Variants in MVK observed in about 807,000 individuals in gnomAD.
MVK encodes the protein LH receptor mRNA-binding protein.
A neutral mutation model predicts 43.2 loss-of-function variants in MVK; 34 were observed. That is an observed-to-expected ratio of 0.79 (90% confidence interval 0.60 to 1.05). MVK has a LOEUF of 1.05. Ranked by LOEUF, MVK falls within the 50% of genes least tolerant of loss-of-function variation. The pLI, the probability that MVK is intolerant of heterozygous loss-of-function variation, is 0.00. For missense variants in MVK, 395 were observed against 504.0 expected (o/e 0.78, Z 2.07); for synonymous variants, 190 against 219.8 (o/e 0.86, Z 1.20).
chr12:109,591,163 C>G, intron 8 of MVK, 78 bp from the exon 9 acceptor site: 1 of 1,354,544 alleles, frequency 7.4e-7, no homozygotes, highest in Non-Finnish European at 1.1e-6. Context: ...CCTCCTCCCT[C>G]CACCCCACTG....
At chr12:109,585,953 AG>A in intron 5 of MVK, 68 bp from the exon 6 acceptor site, 1 of 1,308,788 alleles carries the variant, frequency 7.6e-7, no homozygotes, top group Non-Finnish European at 1.1e-6. Context: ...TGCCCAGCAC[AG>A]CCCCAGGTGA....
At chr12:109,589,017 C>T (rs72648019) in intron 7 of MVK, 7,222 of 152,402 alleles carry the variant, frequency 0.047, 220 homozygotes, top group Non-Finnish European at 0.067. Context: ...GCAGAGGAAG[C>T]GCGGTGCAAA....
chr12:109,587,380 T>C (rs144951505), intron 7 of MVK, among the ~76,000 whole-genome samples: 2 of 152,246 alleles, frequency 1.3e-5, no homozygotes, highest in African/African-American at 4.8e-5. Context: ...GCTGGAATCA[T>C]TGGAATCACA....
At chr12:109,585,759 CAAAAAAAAAG>C (rs920064225) in intron 5 of MVK, among the ~76,000 whole-genome samples, 1 of 148,186 alleles carries the variant, frequency 6.7e-6, no homozygotes, top group African/African-American at 2.5e-5. Flanking sequence ...GACTCCGTCT[CAAAAAAAAAG>C]AAAAAAAAAG....
intron 4 of MVK, 40 bp from the exon 5 acceptor site, chr12:109,581,355 C>T: frequency 6.2e-7 from 1 of 1,612,158 alleles, no homozygotes; most frequent in Non-Finnish European, 8.5e-7. Context: ...ACCCCACTGC[C>T]CTGCGGGAGA....
intron 9 of MVK, among the ~76,000 whole-genome samples, chr12:109,593,878 T>C (rs912504560): frequency 1.3e-5 from 2 of 151,478 alleles, no homozygotes; most frequent in Admixed American, 1.3e-4. Flanking sequence ...CCAACATACG[T>C]GGCTGATTTT....
intron 3 of MVK, chr12:109,579,114 T>C (rs1885090422): frequency 2.6e-6 from 1 of 384,556 alleles, no homozygotes; most frequent in Admixed American, 3.1e-5. Context: ...TGTGTGTCTG[T>C]GTGTGTTTGT....
chr12:109,581,494 C>G lies in MVK; in HGVS notation c.471C>G (p.Leu157=). 6.2e-7 allele frequency: 1 copy of G among 1,614,216 alleles called. No individual in the cohort carries two copies. The highest frequency in any genetic ancestry group is 1.1e-5 in the South Asian group (1 of 91,088). ...ACTCGGTGTGTCTGGCAGCAGCCCTCCTGACTGTGTGCGAGGAGATCCCAA... is the reference window on the plus strand; with the variant it reads ...ACTCGGTGTGTCTGGCAGCAGCCCTGCTGACTGTGTGCGAGGAGATCCCAA... ...AAYSVCLAAA[L]LTVCEEIPNP... is the part of the protein sequence containing the mutation. The change falls in exon 5 of 11, where the codon CTC becomes CTG. Residue 157 remains leucine, a synonymous_variant. Transcript: ENST00000228510.
upstream of MVK, chr12:109,573,691 A>T (rs1038863236): frequency 1.6e-4 from 103 of 641,014 alleles, no homozygotes; most frequent in Non-Finnish European, 2.3e-4. Context: ...TGGCTGCAAC[A>T]CCTATTGACC....
intron 4 of MVK, among the ~76,000 whole-genome samples, chr12:109,580,414 G>GTTGTTGTTT (rs527317346): frequency 1.3e-5 from 2 of 152,152 alleles, no homozygotes; most frequent in Non-Finnish European, 2.9e-5. Context: ...CAGCCTCTCT[G>GTTGTTGTTT]TTGTTGTTTT....
rs1484639968 is a variant in MVK at position 109,595,396 on chromosome 12, G to A, written c.1039+215G>A. Among the ~76,000 whole-genome samples the A allele has an allele frequency of 1.3e-5, 2 of 152,118 alleles. No individual in the cohort carries two copies. The highest frequency in any genetic ancestry group is 2.9e-5 in the Non-Finnish European group (2 of 68,020). On this transcript the variant is annotated intron_variant, in intron 10 of 10. Transcript: ENST00000228510. This position sits in a 1 kb window ranked among gnomAD's most constrained non-coding sequence, Gnocchi z 5.9. ...CAAGATCGTTGCCCAGATTCAAGCAGGAAAGTGCACCTAGAGAGCCTGGTG... is the reference window on the plus strand; with the variant it reads ...CAAGATCGTTGCCCAGATTCAAGCAAGAAAGTGCACCTAGAGAGCCTGGTG...
rs66513915 is a variant in MVK, at chr12:109,597,455, A to T, written c.*878A>T. On this transcript the variant is annotated 3_prime_UTR_variant, in exon 11 of 11. Transcript: ENST00000228510. ...GGGACACGGCTCTCAGTCCATCAGCACAACTCTAGGCTGCTGCTGCGGAGG... is the reference window on the plus strand; with the variant it reads ...GGGACACGGCTCTCAGTCCATCAGCTCAACTCTAGGCTGCTGCTGCGGAGG... 25,599 of 152,214 alleles carry T rather than the reference A, an allele frequency of 0.17. 2,233 individuals are homozygous for T. Among genetic ancestry groups the T allele is most frequent in the African/African-American group, 0.18 (7,622 of 41,470 alleles). The allele number at this position is 152,214 out of a possible 1,614,324, so 9.4% of individuals were successfully genotyped here. A position where few individuals can be genotyped will look rare whatever the true frequency, so the allele number is the denominator to read the frequency against.
At chr12:109,592,770 T>C (rs755176897) in intron 9 of MVK, among the ~76,000 whole-genome samples, 3 of 152,250 alleles carry the variant, frequency 2.0e-5, no homozygotes, top group Non-Finnish European at 4.4e-5. Flanking sequence ...AGATCTGTCA[T>C]GAGCACCTAC....
intron 5 of MVK, among the ~76,000 whole-genome samples, chr12:109,583,254 C>A (rs948534616): frequency 6.6e-6 from 1 of 152,096 alleles, no homozygotes; most frequent in African/African-American, 2.4e-5. Context: ...CCCTCTCCCC[C>A]CATCCCACCA....
intron 1 of MVK, among the ~76,000 whole-genome samples, 198 bp downstream of exon 1, chr12:109,574,071 T>C (rs1364527494): frequency 2.0e-5 from 3 of 152,208 alleles, no homozygotes; most frequent in Non-Finnish European, 4.4e-5. Context: ...TCAGTTTTTC[T>C]AAGAAATGGG....
At chr12:109,584,853 C>G (rs1361776493) in intron 5 of MVK, among the ~76,000 whole-genome samples, 1 of 152,158 alleles carries the variant, frequency 6.6e-6, no homozygotes, top group Non-Finnish European at 1.5e-5. Context: ...CCACAGCACT[C>G]CAGCCTGGGG....
intron 9 of MVK, among the ~76,000 whole-genome samples, chr12:109,593,160 T>C (rs1885755093): frequency 6.6e-6 from 1 of 152,244 alleles, no homozygotes; most frequent in Non-Finnish European, 1.5e-5. Flanking sequence ...ACGTGACACC[T>C]GGTGCTCAGG....
chr12:109,585,755 G>A (rs1020195672), intron 5 of MVK, among the ~76,000 whole-genome samples: 30 of 148,082 alleles, frequency 2.0e-4, no homozygotes, highest in African/African-American at 5.3e-4. Flanking sequence ...GTGAGACTCC[G>A]TCTCAAAAAA....
At position 109,592,068 on chromosome 12, in the gene MVK, ACT is replaced by A. The variant is rs371368365; in HGVS notation, c.885+714_885+715del. Reference sequence around the variant, plus strand: ...AGACCAGGCTGGGCAATGTGGTGAAACTCTGTCTCTACAAAAAATACAAAAGT... The same window carrying A: ...AGACCAGGCTGGGCAATGTGGTGAAACTGTCTCTACAAAAAATACAAAAGT... On this transcript the variant is annotated intron_variant, in intron 9 of 10. Transcript: ENST00000228510. Among the ~76,000 whole-genome samples the A allele has an allele frequency of 5.0e-4, 76 of 151,992 alleles. 3 individuals carry two copies. In the South Asian group the frequency reaches 0.013, roughly 27 times the overall value.
Sources: allele counts gnomAD v4.1 joint callset (sites outside exome capture counted in the v4.1 genomes callset), GRCh38; gene constraint gnomAD v4.1.1; non-coding constraint Gnocchi (gnomAD v3.1); transcripts MANE v1.5; gene names NCBI Gene and HGNC (gene_info 2026-07-23, HGNC 2026-07-21).